The following IL31RA variants were observed in gnomAD, a reference collection of about 807,000 sequenced individuals.
IL31RA encodes the protein interleukin-31 receptor subunit alpha.
Under a neutral mutation model 83.7 loss-of-function variants are expected in IL31RA, and 66 were observed. The observed-to-expected ratio is 0.79, with a 90% CI of 0.65 to 0.97. The LOEUF (loss-of-function observed/expected upper bound fraction) is 0.97, where lower values mean the gene tolerates loss of function less well. Ranked by LOEUF, IL31RA falls within the 50% of genes least tolerant of loss-of-function variation. The probability of loss-of-function intolerance (pLI) is 0.00; values close to 1 mark genes in which losing one functional copy is unlikely to be tolerated. For synonymous variants in IL31RA, 325 were observed against 329.0 expected, an observed-to-expected ratio of 0.99 and a Z score of 0.13; for missense variants, 798 against 919.4, an observed-to-expected ratio of 0.87 and a Z score of 1.71.
intron 4 of IL31RA, among the ~76,000 whole-genome samples, chr5:55,878,903 C>T (rs183794514): frequency 6.6e-6 from 1 of 152,300 alleles, no homozygotes; most frequent in East Asian, 1.9e-4. Flanking sequence ...CTGCTTGCCT[C>T]AGCCTTTCAA....
Position 55,920,697 on chromosome 5 carries a change from G to A in IL31RA, c.*3577G>A, listed in dbSNP as rs1750050384. 6.6e-6 allele frequency among the ~76,000 whole-genome samples: 1 copy of A among 152,164 alleles called. No individual in the cohort carries two copies. Among genetic ancestry groups the A allele is most frequent in the Non-Finnish European group, 1.5e-5 (1 of 68,028 alleles). On this transcript the variant is annotated 3_prime_UTR_variant, in exon 15 of 15. Transcript: ENST00000652347. Reference sequence around the variant, plus strand: ...ACTATGTTTCAACTTTGAATTAGCTGCAAATTAAAAAGAAATCAGGATATG... The same window carrying A: ...ACTATGTTTCAACTTTGAATTAGCTACAAATTAAAAAGAAATCAGGATATG...
intron 8 of IL31RA, among the ~76,000 whole-genome samples, chr5:55,901,743 G>A (rs1748831249): frequency 1.3e-5 from 2 of 151,952 alleles, no homozygotes; most frequent in Non-Finnish European, 2.9e-5. Flanking sequence ...AGCCTCCTGA[G>A]TAGCTGGGAT....
intron 6 of IL31RA, 23 bp downstream of exon 6, chr5:55,890,158 C>A (rs750641231): frequency 8.1e-6 from 13 of 1,611,600 alleles, no homozygotes; most frequent in Non-Finnish European, 1.0e-5. Flanking sequence ...CTGCGATTCC[C>A]GTCCTGTCTG....
At chr5:55,899,487 G>A (rs1748674706) in intron 7 of IL31RA, among the ~76,000 whole-genome samples, 1 of 152,210 alleles carries the variant, frequency 6.6e-6, no homozygotes, top group Non-Finnish European at 1.5e-5. Context: ...GGAAATAAAA[G>A]ACTAGGGCAT....
At position 55,917,328 on chromosome 5, in the gene IL31RA, T is replaced by C; in HGVS notation, c.*208T>C. 6.9e-7 allele frequency: 1 copy of C among 1,445,222 alleles called. No homozygotes were observed. Among genetic ancestry groups the C allele is most frequent in the Non-Finnish European group, 9.1e-7 (1 of 1,103,690 alleles). The allele number at this position is 1,445,222 out of a possible 1,614,324, so 89.5% of individuals were successfully genotyped here. The stretch of plus-strand genomic sequence containing the variant: ...AAGGGATGGTGATAAGCCCGAGTTT[T>C]GTAAAGGAACAGCAGTCTCTTTTCG... On this transcript the variant is annotated 3_prime_UTR_variant, in exon 15 of 15. Coordinates refer to ENST00000652347, the MANE Select transcript of IL31RA (RefSeq NM_139017.7).
In IL31RA at chr5:55,914,862, G is replaced by T; in HGVS notation, c.1752G>T (p.Leu584=). The change falls in exon 14 of 15, where the codon CTG becomes CTT. Residue 584 remains leucine (L), a synonymous_variant. Transcript: ENST00000652347. ...GLKKPNKLTH[L]CWPTVPNPAE... ...CTCTCATTAGCAAATTGACTCATCT[G>T]TGTTGGCCCACCGTTCCCAACCCTG... 3 of 1,613,126 alleles carry T rather than the reference G, an allele frequency of 1.9e-6. No individual in the cohort carries two copies. Among genetic ancestry groups the T allele is most frequent in the Non-Finnish European group, 2.5e-6 (3 of 1,179,044 alleles).
chr5:55,842,339 A>G, the IL31RA span, among the ~76,000 whole-genome samples: 1 of 152,214 alleles, frequency 6.6e-6, no homozygotes, highest in African/African-American at 2.4e-5. Context: ...ATATTAGGGT[A>G]CCAGGTAGAC....
rs565021251 is a variant in IL31RA at position 55,917,443 on chromosome 5, G to A, written c.*323G>A. ...GTTCTGAGCCCAAAGGACCCCCAGG[G>A]TGGACATATCTGGCCTCCCAGGAAT... On this transcript the variant is annotated 3_prime_UTR_variant, in exon 15 of 15. Transcript: ENST00000652347. The A allele has an allele frequency of 1.4e-4, 102 of 720,298 alleles. No individual in the cohort carries two copies. The highest frequency in any genetic ancestry group is 2.6e-4 in the Admixed American group (7 of 26,814). The allele number at this position is 720,298 out of a possible 1,614,324, so 44.6% of individuals were successfully genotyped here. A position where few individuals can be genotyped will look rare whatever the true frequency, so the allele number is the denominator to read the frequency against.
At chr5:55,892,323 T>C (rs1210084517) in intron 6 of IL31RA, among the ~76,000 whole-genome samples, 2 of 152,198 alleles carry the variant, frequency 1.3e-5, no homozygotes, top group African/African-American at 4.8e-5. Flanking sequence ...GGGATACCCA[T>C]ATTGTAATAG....
chr5:55,883,248 T>C, intron 5 of IL31RA, 53 bp downstream of exon 5: 145 of 1,324,294 alleles, frequency 1.1e-4, no homozygotes, highest in Non-Finnish European at 1.5e-4. Context: ...AGGAAAAGAA[T>C]CATTGACAAC....
At chr5:55,911,559 GA>G (rs1417614663) in intron 12 of IL31RA, among the ~76,000 whole-genome samples, 1 of 152,000 alleles carries the variant, frequency 6.6e-6, no homozygotes, top group East Asian at 1.9e-4. Flanking sequence ...AAAATAGCAA[GA>G]AAAATTTACT....
chr5:55,869,752 G>T (rs937241398), intron 3 of IL31RA, among the ~76,000 whole-genome samples: 7 of 152,160 alleles, frequency 4.6e-5, no homozygotes, highest in African/African-American at 7.2e-5. Flanking sequence ...GGGATTACAG[G>T]CATGAGCCAC....
chr5:55,882,247 G>A (rs766793155), intron 4 of IL31RA, among the ~76,000 whole-genome samples: 4 of 152,094 alleles, frequency 2.6e-5, no homozygotes, highest in African/African-American at 4.8e-5. Context: ...ATGAATGTGC[G>A]ATAATAGAAC....
In IL31RA at chr5:55,889,955, GTC is replaced by G. The variant is rs1172168283; in HGVS notation, c.607-11_607-10del. 1.9e-6 allele frequency: 3 copies of G among 1,613,534 alleles called. No homozygotes were observed. Among genetic ancestry groups the G allele is most frequent in the Admixed American group, 1.7e-5 (1 of 60,024 alleles). ...GTGGTCTCCATTTCAGTTTAGGATT[GTC>G]TCTGTCTTGTAGATGGAAGTCAACT... is the stretch of plus-strand genomic sequence containing the variant. On this transcript the variant is annotated splice_polypyrimidine_tract_variant and intron_variant, in intron 5 of 14. Coordinates refer to ENST00000652347, the MANE Select transcript of IL31RA (RefSeq NM_139017.7).
chr5:55,879,039 C>T (rs1174806477), intron 4 of IL31RA, among the ~76,000 whole-genome samples: 1 of 152,160 alleles, frequency 6.6e-6, no homozygotes, highest in African/African-American at 2.4e-5. Flanking sequence ...TGTCTGCATA[C>T]ATAATCTCTT....
intron 8 of IL31RA, among the ~76,000 whole-genome samples, chr5:55,901,863 C>T (rs1370420699): frequency 1.2e-4 from 18 of 152,130 alleles, no homozygotes; most frequent in Admixed American, 1.2e-3. Flanking sequence ...GATCCACCTG[C>T]CTCAGCCTCC....
intron 9 of IL31RA, among the ~76,000 whole-genome samples, chr5:55,906,537 C>A (rs572116226): frequency 6.6e-6 from 1 of 152,254 alleles, no homozygotes; most frequent in South Asian, 2.1e-4. Context: ...TTAACACCCA[C>A]CATCAGAGAG....
At chr5:55,911,003 C>T (rs900480083) in intron 12 of IL31RA, among the ~76,000 whole-genome samples, 5 of 152,164 alleles carry the variant, frequency 3.3e-5, no homozygotes, top group East Asian at 1.9e-4. Flanking sequence ...GCTGTCTCCC[C>T]GTTCATAGTC....
intron 1 of IL31RA, chr5:55,852,110 A>C (rs1384241837): frequency 2.7e-5 from 5 of 185,576 alleles, no homozygotes; most frequent in Non-Finnish European, 5.7e-5. Flanking sequence ...AATGCTTGCT[A>C]TTTTTGTGCT....
Sources: allele counts gnomAD v4.1 joint callset (sites outside exome capture counted in the v4.1 genomes callset), GRCh38; gene constraint gnomAD v4.1.1; transcripts MANE v1.5; gene names NCBI Gene and HGNC (gene_info 2026-07-23, HGNC 2026-07-21).